The following SLC24A1 variants were observed in gnomAD, a reference collection of about 807,000 sequenced individuals.
The protein encoded by SLC24A1 is sodium/potassium/calcium exchanger 1.
In SLC24A1, 52 loss-of-function variants were observed where a neutral mutation model predicts 88.1. The observed-to-expected ratio is 0.59, with a 90% CI of 0.47 to 0.74. SLC24A1 has a LOEUF of 0.74. SLC24A1 is among the 30% of genes least tolerant of loss of function. SLC24A1 has a pLI of 0.00. For synonymous variants in SLC24A1, 455 were observed against 498.0 expected, an observed-to-expected ratio of 0.91 and a Z score of 1.15; for missense variants, 1,173 against 1,363.3, an observed-to-expected ratio of 0.86 and a Z score of 2.20.
In SLC24A1 at chr15:65,654,356, A is replaced by C; in HGVS notation, c.*277A>C. 1.6e-6 allele frequency: 2 copies of C among 1,235,616 alleles called. No homozygotes were observed. Among genetic ancestry groups the C allele is most frequent in the South Asian group, 4.3e-5 (2 of 46,792 alleles). The allele number at this position is 1,235,616 out of a possible 1,614,324, so 76.5% of individuals were successfully genotyped here. A position where few individuals can be genotyped will look rare whatever the true frequency, so the allele number is the denominator to read the frequency against. ...AGGCAGTAGAAGGACCCCTGGAGCC[A>C]GAGGGTTTTCTAAATGAGATAACTG... On this transcript the variant is annotated 3_prime_UTR_variant, in exon 10 of 10. Transcript: ENST00000261892.
At position 65,655,992 on chromosome 15, in the gene SLC24A1, A is replaced by G. The variant is rs1350964801; in HGVS notation, c.*1913A>G. ...CTTAATTATCCTTATTCCTGATGCT[A>G]CTGCATTGCTGGGTTTCCATAGCCA... is the stretch of plus-strand genomic sequence containing the variant. On this transcript the variant is annotated 3_prime_UTR_variant, in exon 10 of 10. Transcript: ENST00000261892. 2 of 985,202 alleles carry G rather than the reference A, an allele frequency of 2.0e-6. No individual in the cohort carries two copies. Among genetic ancestry groups the G allele is most frequent in the Non-Finnish European group, 2.4e-6 (2 of 829,880 alleles). 61.0% of individuals were successfully genotyped at this position (985,202 alleles called of 1,614,324 possible). A position where few individuals can be genotyped will look rare whatever the true frequency, so the allele number is the denominator to read the frequency against.
At position 65,612,882 on chromosome 15, in the gene SLC24A1, C is replaced by T. The variant is rs375231352; in HGVS notation, c.-228+269C>T. Among the ~76,000 whole-genome samples, 5 of 152,274 alleles carry T rather than the reference C, an allele frequency of 3.3e-5. No individual in the cohort carries two copies. The South Asian group carries it at 1.0e-3, about 32-fold the overall frequency. On this transcript the variant is annotated intron_variant, in intron 2 of 11. Coordinates refer to the SLC24A1 transcript ENST00000537259. The stretch of plus-strand genomic sequence containing the variant: ...CTTCTGAATAACAGGCTTTGGGAGA[C>T]TTGGAAAGCAAAAAATCAATATATT...
chr15:65,651,465 C>T (rs1013092451), intron 7 of SLC24A1, among the ~76,000 whole-genome samples: 1 of 152,132 alleles, frequency 6.6e-6, no homozygotes, highest in African/African-American at 2.4e-5. Context: ...GGCTGGACTC[C>T]CCTACAGGTG....
intron 7 of SLC24A1, 66 bp downstream of exon 7, chr15:65,651,008 C>T (rs2075485212): frequency 9.5e-6 from 13 of 1,372,954 alleles, no homozygotes; most frequent in Middle Eastern, 1.8e-4. Context: ...TCTCGGCATG[C>T]GGGGCTCACA....
chr15:65,658,796 CAT>C (rs1405646697), downstream of SLC24A1, among the ~76,000 whole-genome samples: 2 of 151,992 alleles, frequency 1.3e-5, no homozygotes, highest in African/African-American at 4.8e-5. Flanking sequence ...ACTTAAGTAT[CAT>C]AGTAATTATC....
intron 2 of SLC24A1, among the ~76,000 whole-genome samples, chr15:65,629,294 GATTCTAATCAGAATTTACTTAAGAAT>G (rs1201514938): frequency 1.3e-5 from 2 of 152,020 alleles, no homozygotes; most frequent in African/African-American, 4.8e-5. Flanking sequence ...TTTTAGGAGT[GATTCTAATCAGAATTTACTTAAGAAT>G]ATTTCCAGAA....
At chr15:65,633,574 C>T (rs928838803) in intron 2 of SLC24A1, among the ~76,000 whole-genome samples, 2 of 152,054 alleles carry the variant, frequency 1.3e-5, no homozygotes, top group Admixed American at 6.6e-5. Context: ...GCAGGAGAAT[C>T]GCTTAAACCC....
intron 2 of SLC24A1, among the ~76,000 whole-genome samples, chr15:65,626,844 A>G (rs1170160748): frequency 6.6e-6 from 1 of 152,130 alleles, no homozygotes. Context: ...CCACACCCGG[A>G]TCATTCCAAG....
intron 2 of SLC24A1, among the ~76,000 whole-genome samples, chr15:65,632,549 T>C (rs2074765765): frequency 2.0e-5 from 3 of 152,030 alleles, no homozygotes; most frequent in South Asian, 4.1e-4. Flanking sequence ...AAACAGAAAA[T>C]TGTGAATCAC....
intron 6 of SLC24A1, among the ~76,000 whole-genome samples, 200 bp downstream of exon 6, chr15:65,645,903 G>A (rs1274322839): frequency 1.3e-5 from 2 of 152,206 alleles, no homozygotes; most frequent in African/African-American, 4.8e-5. Flanking sequence ...CATCTTACAT[G>A]AGTGAGCTAA....
At chr15:65,652,968 T>C (rs377096846) in intron 9 of SLC24A1, 160 bp downstream of exon 9, 31 of 547,676 alleles carry the variant, frequency 5.7e-5, no homozygotes, top group African/African-American at 4.4e-4. Context: ...CCTTCATTCA[T>C]CATAGCCAGA....
intron 2 of SLC24A1, among the ~76,000 whole-genome samples, chr15:65,630,698 C>T (rs1308108076): frequency 1.3e-5 from 2 of 152,172 alleles, no homozygotes; most frequent in African/African-American, 4.8e-5. Context: ...TGGCCAGGTG[C>T]GGTGGCTCAC....
chr15:65,625,397 G>C lies in SLC24A1; in HGVS notation c.1317G>C (p.Glu439Asp). The change falls in exon 2 of 10, where the codon GAG (glutamate) becomes GAC (aspartate). Residue 439 changes from glutamate (E) to aspartate (D), a missense_variant. By Grantham distance (45) the Glu-to-Asp change is conservative. Transcript: ENST00000261892. ...PSLPDLHPKG[E>D]YPPDLFSVEE... ...TGCCAGACCTCCACCCCAAGGGAGAGTACCCCCCAGATCTGTTCAGTGTGG... is the reference window on the plus strand; with the variant it reads ...TGCCAGACCTCCACCCCAAGGGAGACTACCCCCCAGATCTGTTCAGTGTGG... The C allele has an allele frequency of 6.2e-7, 1 of 1,614,036 alleles. No homozygotes were observed. The highest frequency in any genetic ancestry group is 1.1e-5 in the South Asian group (1 of 91,084).
chr15:65,656,848 T>G (rs887959674), downstream of SLC24A1, among the ~76,000 whole-genome samples: 9 of 152,214 alleles, frequency 5.9e-5, no homozygotes, highest in Admixed American at 5.9e-4. Flanking sequence ...TTTTTCAAAC[T>G]ATGTGTTTAA....
downstream of SLC24A1, chr15:65,660,062 A>G (rs772868359): frequency 1.5e-5 from 7 of 468,708 alleles, no homozygotes; most frequent in Non-Finnish European, 2.3e-5. Context: ...CCCCCTCTGA[A>G]ATGTTTCTCT....
chr15:65,640,185 C>T (rs1397258485), intron 4 of SLC24A1, among the ~76,000 whole-genome samples: 1 of 152,154 alleles, frequency 6.6e-6, no homozygotes, highest in African/African-American at 2.4e-5. Flanking sequence ...TTCTTAGTGG[C>T]ACTTCCTTTT....
intron 4 of SLC24A1, chr15:65,643,156 C>A: frequency 1.5e-6 from 1 of 657,276 alleles, no homozygotes; most frequent in Non-Finnish European, 2.4e-6. Flanking sequence ...GTCACCAACT[C>A]TGGAAGATTT....
upstream of SLC24A1, chr15:65,618,845 G>A (rs1293498925): frequency 2.0e-5 from 3 of 152,320 alleles, no homozygotes; most frequent in Non-Finnish European, 4.4e-5. Context: ...CCACACTGAA[G>A]TCCTCTGAAA....
intron 3 of SLC24A1, 111 bp from the exon 4 acceptor site, chr15:65,639,484 C>T (rs2075048644): frequency 4.4e-6 from 3 of 675,692 alleles, no homozygotes; most frequent in Non-Finnish European, 8.0e-6. Flanking sequence ...GATAAGGCAT[C>T]TGTGCTTTCT....
Sources: gnomAD v4.1 joint callset for allele counts (sites outside exome capture counted in the v4.1 genomes callset) on GRCh38, gnomAD v4.1.1 for gene constraint, MANE v1.5 for transcripts, NCBI Gene and HGNC (gene_info 2026-07-23, HGNC 2026-07-21) for gene names.